Variants in SLC16A11 observed in about 807,000 individuals in gnomAD.
SLC16A11 encodes solute carrier family 16 member 11.
In SLC16A11, 24 loss-of-function variants were observed where a neutral mutation model predicts 26.0. The ratio of observed to expected loss-of-function variants is 0.92; its 90% confidence interval spans 0.67 to 1.30. The LOEUF is 1.30. SLC16A11 is among the 50% of genes most tolerant of loss of function. The pLI, the probability that SLC16A11 is intolerant of heterozygous loss-of-function variation, is 0.00. For missense variants in SLC16A11, 638 were observed against 597.7 expected (o/e 1.07, Z -0.70); for synonymous variants, 332 against 296.0 (o/e 1.12, Z -1.25).
In SLC16A11 at chr17:7,042,163, C is replaced by G. The variant is rs374437213; in HGVS notation, c.947G>C (p.Gly316Ala). The change falls in exon 4 of 5, where the codon GGT becomes GCT. Residue 316 changes from glycine (G) to alanine (A), a missense_variant. Gly to Ala is a moderately conservative substitution (Grantham distance 60). Transcript: ENST00000574600. This position sits in a 1 kb window ranked among gnomAD's most constrained non-coding sequence, Gnocchi z 5.9. Reference protein sequence around the residue: ...PVVGGEESWGGPLLAAAVAYG... With the variant: ...PVVGGEESWGAPLLAAAVAYG... ...GGCCACAGCCGCGGCCAGCAGGGGACCCCCCCAGCTCTCTTCGCCGCCCAC... is the reference window on the plus strand; with the variant it reads ...GGCCACAGCCGCGGCCAGCAGGGGAGCCCCCCAGCTCTCTTCGCCGCCCAC... The G allele has an allele frequency of 7.6e-6, 12 of 1,570,448 alleles. No homozygotes were observed. The highest frequency in any genetic ancestry group is 1.0e-5 in the Non-Finnish European group (12 of 1,159,282).
intron 2 of SLC16A11, 101 bp from the exon 3 acceptor site, chr17:7,043,174 C>T: frequency 1.4e-6 from 2 of 1,458,910 alleles, no homozygotes; most frequent in Non-Finnish European, 1.8e-6. Flanking sequence ...AATGGTTCTT[C>T]TCCTTGACCT....
chr17:7,043,294 C>A lies in SLC16A11; in HGVS notation c.202+18G>T. 1 of 1,596,064 alleles carries A rather than the reference C, an allele frequency of 6.3e-7. No individual in the cohort carries two copies. The highest frequency in any genetic ancestry group is 1.1e-5 in the South Asian group (1 of 90,152). On this transcript the variant is annotated intron_variant, in intron 2 of 4. Coordinates refer to ENST00000574600, the MANE Select transcript of SLC16A11 (RefSeq NM_001370549.1). ...TCCTCCTCCCCGTTCCTGTCTCCCG[C>A]CTCAGGGCCCCCCTCACTGGCTGCC...
In SLC16A11 at chr17:7,042,663, G is replaced by C; in HGVS notation, c.447C>G (p.Asn149Lys). The C allele has an allele frequency of 6.4e-7, 1 of 1,561,640 alleles. No homozygotes were observed. The highest frequency in any genetic ancestry group is 8.6e-7 in the Non-Finnish European group (1 of 1,157,798). Residue 149 changes from asparagine (N) to lysine (K), a missense_variant, in exon 4 of 5, where the codon AAC becomes AAG. Asn to Lys is a moderately conservative substitution (Grantham distance 94, BLOSUM62 0). Transcript: ENST00000574600. The surrounding 1 kb of genome is among the most constrained non-coding windows in gnomAD (Gnocchi z 5.9). ...VLAVGLALTG[N>K]GASSLLLAPA... ...GCGCCAGGAGCAGCGAGGAGGCCCCGTTGCCGGTGAGCGCCAGCCCCACCG... is the reference window on the plus strand; with the variant it reads ...GCGCCAGGAGCAGCGAGGAGGCCCCCTTGCCGGTGAGCGCCAGCCCCACCG...
At position 7,043,757 on chromosome 17, in the gene SLC16A11, A is replaced by C; in HGVS notation, c.-7+18T>G. The C allele has an allele frequency of 1.4e-6, 1 of 729,718 alleles. No individual in the cohort carries two copies. The highest frequency in any genetic ancestry group is 3.0e-5 in the East Asian group (1 of 33,872). The allele number at this position is 729,718 out of a possible 1,614,324, so 45.2% of individuals were successfully genotyped here. Reference sequence around the variant, plus strand: ...AGGCCCGAGGTTCCCCGTCCCACGCACACTCCTTCCCCCTTACCCGACCTC... The same window carrying C: ...AGGCCCGAGGTTCCCCGTCCCACGCCCACTCCTTCCCCCTTACCCGACCTC... On this transcript the variant is annotated intron_variant, in intron 1 of 4. Transcript: ENST00000574600.
chr17:7,042,356 C>T lies in SLC16A11; in HGVS notation c.754G>A (p.Gly252Arg), dbSNP rs1041719176. 1 of 1,560,344 alleles carries T rather than the reference C, an allele frequency of 6.4e-7. No individual in the cohort carries two copies. Among genetic ancestry groups the T allele is most frequent in the Non-Finnish European group, 8.7e-7 (1 of 1,151,170 alleles). ...APHALDRGLG[G>R]YGAALVVAVA... is the part of the protein sequence containing the mutation. The stretch of plus-strand genomic sequence containing the variant: ...GCCACCACCAGCGCTGCTCCGTATC[C>T]CCCCAGGCCCCGGTCTAAAGCGTGG... Residue 252 changes from glycine to arginine, a missense_variant, in exon 4 of 5, where the codon GGA (glycine) becomes AGA (arginine). By Grantham distance (125) the Gly-to-Arg change is moderately radical (BLOSUM62 -2). Transcript: ENST00000574600. The surrounding 1 kb of genome is among the most constrained non-coding windows in gnomAD (Gnocchi z 5.9).
In SLC16A11 at chr17:7,042,636, G is replaced by T; in HGVS notation, c.474C>A (p.Pro158=). ...AAGTATCGAGAAGAAGCTGCAAGGCGGGCGCCAGGAGCAGCGAGGAGGCCC... is the reference window on the plus strand; with the variant it reads ...AAGTATCGAGAAGAAGCTGCAAGGCTGGCGCCAGGAGCAGCGAGGAGGCCC... ...GNGASSLLLA[P]ALQLLLDTFG... Residue 158 remains proline, a synonymous_variant, in exon 4 of 5, where the codon CCC becomes CCA. Coordinates refer to ENST00000574600, the MANE Select transcript of SLC16A11 (RefSeq NM_001370549.1). The surrounding 1 kb of genome is among the most constrained non-coding windows in gnomAD (Gnocchi z 5.9). The T allele has an allele frequency of 6.4e-7, 1 of 1,573,636 alleles. No individual in the cohort carries two copies. The highest frequency in any genetic ancestry group is 8.6e-7 in the Non-Finnish European group (1 of 1,163,374).
chr17:7,042,501 C>T lies in SLC16A11; in HGVS notation c.609G>A (p.Pro203=). The T allele has an allele frequency of 6.4e-7, 1 of 1,561,482 alleles. No homozygotes were observed. The highest frequency in any genetic ancestry group is 8.7e-7 in the Non-Finnish European group (1 of 1,152,704). The change falls in exon 4 of 5, where the codon CCG becomes CCA. Residue 203 remains proline, a synonymous_variant. Coordinates refer to ENST00000574600, the MANE Select transcript of SLC16A11 (RefSeq NM_001370549.1). The surrounding 1 kb of genome is among the most constrained non-coding windows in gnomAD (Gnocchi z 5.9). ...LVLPGDPPAP[P]RSPLAALGLS... is the part of the protein sequence containing the mutation. ...GGCCGAGGGCAGCTAGGGGACTACG[C>T]GGTGGGGCTGGGGGGTCTCCAGGAA...
Position 7,042,993 on chromosome 17 carries a change from A to T in SLC16A11, c.283T>A (p.Phe95Ile). Residue 95 changes from phenylalanine (F) to isoleucine (I), a missense_variant, in exon 3 of 5, where the codon TTC (phenylalanine) becomes ATC (isoleucine). By Grantham distance (21) the Phe-to-Ile change is conservative. Transcript: ENST00000574600. This position sits in a 1 kb window ranked among gnomAD's most constrained non-coding sequence, Gnocchi z 5.9. ...TCGCTGGCGAAAGCCGAGAAGACGA[A>T]GCCCAGCGAGGCGAGGACGCCCCCA... Reference protein sequence around the residue: ...MVGGVLASLGFVFSAFASDLL... With the variant: ...MVGGVLASLGIVFSAFASDLL... 1.2e-6 allele frequency: 2 copies of T among 1,609,428 alleles called. No homozygotes were observed. Among genetic ancestry groups the T allele is most frequent in the Non-Finnish European group, 1.7e-6 (2 of 1,178,240 alleles).
At position 7,041,628 on chromosome 17, in the gene SLC16A11, A is replaced by G; in HGVS notation, c.*51T>C. On this transcript the variant is annotated 3_prime_UTR_variant, in exon 5 of 5. Transcript: ENST00000574600. ...TTGGTGAACAGTTGGAGGTTTCAGGAAAACCCGATAAAAATTCTTTATTGG... is the reference window on the plus strand; with the variant it reads ...TTGGTGAACAGTTGGAGGTTTCAGGGAAACCCGATAAAAATTCTTTATTGG... 1.3e-6 allele frequency: 2 copies of G among 1,497,700 alleles called. No individual in the cohort carries two copies. The highest frequency in any genetic ancestry group is 1.8e-6 in the Non-Finnish European group (2 of 1,112,044). 92.8% of individuals were successfully genotyped at this position (1,497,700 alleles called of 1,614,324 possible).
chr17:7,042,999 G>T lies in SLC16A11; in HGVS notation c.277C>A (p.Leu93Met). Residue 93 changes from leucine to methionine, a missense_variant, in exon 3 of 5, where the codon CTG becomes ATG. Leu to Met is a conservative substitution (Grantham distance 15, BLOSUM62 2). Coordinates refer to ENST00000574600, the MANE Select transcript of SLC16A11 (RefSeq NM_001370549.1). The surrounding 1 kb of genome is among the most constrained non-coding windows in gnomAD (Gnocchi z 5.9). Reference protein sequence around the residue: ...VVMVGGVLASLGFVFSAFASD... With the variant: ...VVMVGGVLASMGFVFSAFASD... ...GCGAAAGCCGAGAAGACGAAGCCCA[G>T]CGAGGCGAGGACGCCCCCAACCATC... 1 of 1,606,246 alleles carries T rather than the reference G, an allele frequency of 6.2e-7. No homozygotes were observed. The highest frequency in any genetic ancestry group is 1.1e-5 in the South Asian group (1 of 89,968).
In SLC16A11 at chr17:7,043,893, A is replaced by G. The variant is rs1369974654; in HGVS notation, c.-125T>C. 1.7e-5 allele frequency: 6 copies of G among 344,530 alleles called. No homozygotes were observed. The highest frequency in any genetic ancestry group is 3.2e-5 in the Non-Finnish European group (6 of 189,572). 21.3% of individuals were successfully genotyped at this position (344,530 alleles called of 1,614,324 possible). A position where few individuals can be genotyped will look rare whatever the true frequency, so the allele number is the denominator to read the frequency against. On this transcript the variant is annotated 5_prime_UTR_variant, in exon 1 of 5. Coordinates refer to ENST00000574600, the MANE Select transcript of SLC16A11 (RefSeq NM_001370549.1). ...GGAGCGAGGGCAGCGATGGAGCCCA[A>G]CTTGGACGGGCTCTCTCGGTAAACA... is the stretch of plus-strand genomic sequence containing the variant.
intron 2 of SLC16A11, 67 bp downstream of exon 2, chr17:7,043,245 G>A: frequency 6.5e-7 from 1 of 1,538,990 alleles, no homozygotes; most frequent in Non-Finnish European, 8.7e-7. Flanking sequence ...AATCAGGTGG[G>A]TCTCCCATCC....
At chr17:7,043,667 G>A in intron 1 of SLC16A11, 108 bp downstream of exon 1, 4 of 1,455,190 alleles carry the variant, frequency 2.7e-6, no homozygotes, top group Non-Finnish European at 3.6e-6. Flanking sequence ...GGGAGCCGGA[G>A]CCTGGCCTAG....
chr17:7,042,344 C>A lies in SLC16A11; in HGVS notation c.766G>T (p.Ala256Ser). ...ATCGCAGCCACGGCCACCACCAGCG[C>A]TGCTCCGTATCCCCCCAGGCCCCGG... ...LDRGLGGYGAALVVAVAAMGD... is the reference protein window; with the variant it reads ...LDRGLGGYGASLVVAVAAMGD... The change falls in exon 4 of 5, where the codon GCG becomes TCG. Residue 256 changes from alanine (A) to serine (S), a missense_variant. By Grantham distance (99) the Ala-to-Ser change is moderately conservative (BLOSUM62 1). Coordinates refer to ENST00000574600, the MANE Select transcript of SLC16A11 (RefSeq NM_001370549.1). This position sits in a 1 kb window ranked among gnomAD's most constrained non-coding sequence, Gnocchi z 5.9. 1.3e-6 allele frequency: 2 copies of A among 1,557,970 alleles called. No individual in the cohort carries two copies. The highest frequency in any genetic ancestry group is 1.2e-5 in the South Asian group (1 of 84,616).
rs985176135 is a variant in SLC16A11, at chr17:7,042,493, G to T, written c.617C>A (p.Pro206His). ...CAGACTCAGGCCGAGGGCAGCTAGGGGACTACGCGGTGGGGCTGGGGGGTC... is the reference window on the plus strand; with the variant it reads ...CAGACTCAGGCCGAGGGCAGCTAGGTGACTACGCGGTGGGGCTGGGGGGTC... ...PGDPPAPPRS[P>H]LAALGLSLFT... Residue 206 changes from proline to histidine, a missense_variant, in exon 4 of 5, where the codon CCC (proline) becomes CAC (histidine). Pro to His is a moderately conservative substitution (Grantham distance 77, BLOSUM62 -2). Coordinates refer to ENST00000574600, the MANE Select transcript of SLC16A11 (RefSeq NM_001370549.1). This position sits in a 1 kb window ranked among gnomAD's most constrained non-coding sequence, Gnocchi z 5.9. The T allele has an allele frequency of 2.6e-6, 4 of 1,560,498 alleles. No homozygotes were observed. Among genetic ancestry groups the T allele is most frequent in the Non-Finnish European group, 3.5e-6 (4 of 1,152,132 alleles).
rs1348628177 is a variant in SLC16A11 at position 7,041,809 on chromosome 17, G to A, written c.1214C>T (p.Ala405Val). 6.8e-6 allele frequency: 11 copies of A among 1,613,708 alleles called. No individual in the cohort carries two copies. The highest frequency in any genetic ancestry group is 2.7e-5 in the African/African-American group (2 of 74,872). Residue 405 changes from alanine to valine, a missense_variant, in exon 5 of 5, where the codon GCG (alanine) becomes GTG (valine). Transcript: ENST00000574600. ...GGAGGCTGGACCACAGGAGGGCAGC[G>A]CCCTGGGCAACCCTATGTAGATGAA... is the stretch of plus-strand genomic sequence containing the variant. Reference protein sequence around the residue: ...GSFIYIGLPRALPSCGPASPP... With the variant: ...GSFIYIGLPRVLPSCGPASPP...
chr17:7,043,612 G>A (rs2151672262), intron 1 of SLC16A11, 93 bp from the exon 2 acceptor site: 4 of 1,508,666 alleles, frequency 2.7e-6, no homozygotes, highest in Non-Finnish European at 3.5e-6. Flanking sequence ...CTGGCTGCTC[G>A]CCCGGGGTGG....
In SLC16A11 at chr17:7,042,426, G is replaced by A. The variant is rs762730143; in HGVS notation, c.684C>T (p.Ala228=). The part of the protein sequence containing the change: ...RAFSIFALGT[A]LVGGGYFVPY... ...GAACGAAGTACCCGCCCCCAACCAGGGCTGTGCCTAGAGCAAAGATTGAGA... is the reference window on the plus strand; with the variant it reads ...GAACGAAGTACCCGCCCCCAACCAGAGCTGTGCCTAGAGCAAAGATTGAGA... The change falls in exon 4 of 5, where the codon GCC becomes GCT. Residue 228 remains alanine, a synonymous_variant. Coordinates refer to ENST00000574600, the MANE Select transcript of SLC16A11 (RefSeq NM_001370549.1). The surrounding 1 kb of genome is among the most constrained non-coding windows in gnomAD (Gnocchi z 5.9). The A allele has an allele frequency of 1.2e-5, 19 of 1,558,586 alleles. No homozygotes were observed. The highest frequency in any genetic ancestry group is 1.7e-5 in the Non-Finnish European group (19 of 1,150,722).
At position 7,043,077 on chromosome 17, in the gene SLC16A11, A is replaced by G; in HGVS notation, c.203-4T>C. 6.5e-7 allele frequency: 1 copy of G among 1,536,544 alleles called. No homozygotes were observed. Among genetic ancestry groups the G allele is most frequent in the Non-Finnish European group, 8.8e-7 (1 of 1,141,498 alleles). ...CTCAGGGCGCTGCCCACGGGGCCTGAAAGGGGGCGGAGTCAACGGAAGACA... is the reference window on the plus strand; with the variant it reads ...CTCAGGGCGCTGCCCACGGGGCCTGGAAGGGGGCGGAGTCAACGGAAGACA... On this transcript the variant is annotated splice_region_variant and splice_polypyrimidine_tract_variant and intron_variant, in intron 2 of 4. Transcript: ENST00000574600.
Sources: allele counts gnomAD v4.1 joint callset, GRCh38; gene constraint gnomAD v4.1.1; non-coding constraint Gnocchi (gnomAD v3.1); transcripts MANE v1.5; gene names NCBI Gene and HGNC (gene_info 2026-07-23, HGNC 2026-07-21).